Variants in ARHGAP29 observed in about 807,000 individuals in gnomAD.
The protein encoded by ARHGAP29 is Rho GTPase activating protein 29.
ARHGAP29 carries 43 observed loss-of-function variants against 122.6 expected under a neutral mutation model. The ratio of observed to expected loss-of-function variants is 0.35; its 90% CI spans 0.27 to 0.45. ARHGAP29 has a LOEUF of 0.45. ARHGAP29 is among the 20% of genes least tolerant of loss of function. The pLI is 1.00. For missense variants in ARHGAP29, 1,303 were observed against 1,477.2 expected (o/e 0.88, Z 1.93); for synonymous variants, 506 against 497.1 (o/e 1.02, Z -0.24).
the ARHGAP29 span, among the ~76,000 whole-genome samples, chr1:94,291,548 G>A: frequency 2.6e-5 from 4 of 152,226 alleles, no homozygotes; most frequent in Middle Eastern, 3.4e-3. Context: ...TTATAGTGTC[G>A]ATGGTCTTTA....
chr1:94,203,331 T>C (rs925526809), intron 8 of ARHGAP29, 121 bp from the exon 9 acceptor site: 3 of 600,912 alleles, frequency 5.0e-6, no homozygotes, highest in Non-Finnish European at 8.2e-6. Flanking sequence ...GAAAAATAAC[T>C]AGTCAAAAAC....
At chr1:94,199,778 A>G (rs1650719645) in intron 12 of ARHGAP29, among the ~76,000 whole-genome samples, 1 of 152,074 alleles carries the variant, frequency 6.6e-6, no homozygotes, top group African/African-American at 2.4e-5. Context: ...ATCCCTACTT[A>G]CGCTTGCCAA....
chr1:94,281,293 A>T, the ARHGAP29 span, among the ~76,000 whole-genome samples: 1 of 152,218 alleles, frequency 6.6e-6, no homozygotes, highest in South Asian at 2.1e-4. Context: ...TAAAAGAAAG[A>T]TTCATAATTT....
chr1:94,270,315 C>T (rs1654937712), intron 1 of ARHGAP29, among the ~76,000 whole-genome samples: 1 of 152,192 alleles, frequency 6.6e-6, no homozygotes, highest in South Asian at 2.1e-4. Flanking sequence ...ACCTTCTCTA[C>T]TCATTAGGAA....
rs1648796051 is a variant in ARHGAP29, at chr1:94,172,475, C to T, written c.*1394G>A. 6.6e-6 allele frequency: 1 copy of T among 152,068 alleles called. No individual in the cohort carries two copies. The highest frequency in any genetic ancestry group is 1.5e-5 in the Non-Finnish European group (1 of 68,012). 9.4% of individuals were successfully genotyped at this position (152,068 alleles called of 1,614,324 possible). A position where few individuals can be genotyped will look rare whatever the true frequency, so the allele number is the denominator to read the frequency against. On this transcript the variant is annotated 3_prime_UTR_variant, in exon 23 of 23. Transcript: ENST00000260526. ...CTATAAAACAGGTTTCCATAAAATT[C>T]ATTCCACATTGTAGTCAACGGATGT...
intron 3 of ARHGAP29, among the ~76,000 whole-genome samples, chr1:94,211,078 A>T (rs1651572018): frequency 1.3e-5 from 2 of 152,002 alleles, no homozygotes; most frequent in African/African-American, 4.8e-5. Flanking sequence ...TGAGCTCAGA[A>T]GTTCAAGACC....
rs1311484933 is a variant in ARHGAP29 at position 94,271,562 on chromosome 1, T to A, written c.-33+3450A>T. 2.0e-5 allele frequency among the ~76,000 whole-genome samples: 3 copies of A among 152,218 alleles called. No homozygotes were observed. In the South Asian group the frequency reaches 6.2e-4, roughly 32 times the overall value. On this transcript the variant is annotated intron_variant and NMD_transcript_variant, in intron 1 of 25. Transcript: ENST00000552844. ...TACCACAAAACAGATTCCTGGGCAA[T>A]GACCAGTAGCAGTGGCCCATTAAAA...
In ARHGAP29 at chr1:94,185,389, T is replaced by C; in HGVS notation, c.1873A>G (p.Arg625Gly). ...FRKLRSPTKC[R>G]DCEGIVVFQG... ...AACACTACAATGCCTTCACAATCCC[T>C]ACATTTCGTGGGGGATCTCAATTTG... The change falls in exon 17 of 23, where the codon AGG becomes GGG. Residue 625 changes from arginine (R) to glycine (G), a missense_variant. Physicochemically the swap from Arg to Gly is moderately radical, Grantham distance 125. Coordinates refer to ENST00000260526, the MANE Select transcript of ARHGAP29 (RefSeq NM_004815.4). The C allele has an allele frequency of 6.2e-7, 1 of 1,611,952 alleles. No individual in the cohort carries two copies. Among genetic ancestry groups the C allele is most frequent in the Non-Finnish European group, 8.5e-7 (1 of 1,178,940 alleles).
At chr1:94,196,927 G>C (rs1440689368) in intron 12 of ARHGAP29, among the ~76,000 whole-genome samples, 1 of 152,058 alleles carries the variant, frequency 6.6e-6, no homozygotes, top group Non-Finnish European at 1.5e-5. Flanking sequence ...TATCAGAAAA[G>C]CACAGGAAGG....
At chr1:94,201,646 T>TA (rs1650857594) in intron 12 of ARHGAP29, 74 bp downstream of exon 12, 7 of 1,577,588 alleles carry the variant, frequency 4.4e-6, no homozygotes, top group Non-Finnish European at 6.0e-6. Flanking sequence ...GTGCTGGGAT[T>TA]ACAGGTGTGA....
Position 94,203,949 on chromosome 1 carries a change from C to T in ARHGAP29, c.743G>A (p.Arg248Lys). 6.2e-7 allele frequency: 1 copy of T among 1,613,860 alleles called. No individual in the cohort carries two copies. Among genetic ancestry groups the T allele is most frequent in the East Asian group, 2.2e-5 (1 of 44,836 alleles). The stretch of plus-strand genomic sequence containing the variant: ...ACTTACCTGAATTCCAATGTTAGTT[C>T]TAGTTGCCTCTGCCAACTTGACCAT... ...RNMVKLAEATRTNIGIQEFMP... is the reference protein window; with the variant it reads ...RNMVKLAEATKTNIGIQEFMP... The change falls in exon 8 of 23, where the codon AGA becomes AAA. Residue 248 changes from arginine (R) to lysine (K), a missense_variant. Coordinates refer to ENST00000260526, the MANE Select transcript of ARHGAP29 (RefSeq NM_004815.4).
chr1:94,202,015 G>A (rs1650881571), intron 11 of ARHGAP29, 158 bp from the exon 12 acceptor site: 1 of 699,518 alleles, frequency 1.4e-6, no homozygotes, highest in Non-Finnish European at 2.2e-6. Context: ...GTGATTCAAA[G>A]GCAGTTGATT....
In ARHGAP29 at chr1:94,203,121, G is replaced by C; in HGVS notation, c.852C>G (p.Leu284=). ...SHLLQQTIAA[L]QANKFVQPLL... ...TTACCTGCACAAATTTGTTAGCCTG[G>C]AGAGCTGCAATTGTTTGTTGTAAAA... Residue 284 remains leucine, a synonymous_variant, in exon 9 of 23, where the codon CTC becomes CTG. Transcript: ENST00000260526. 6 of 1,612,932 alleles carry C rather than the reference G, an allele frequency of 3.7e-6. No individual in the cohort carries two copies. The highest frequency in any genetic ancestry group is 5.1e-6 in the Non-Finnish European group (6 of 1,179,506).
chr1:94,208,754 C>T, intron 5 of ARHGAP29, 78 bp downstream of exon 5: 2 of 1,416,994 alleles, frequency 1.4e-6, no homozygotes, highest in Non-Finnish European at 2.0e-6. Flanking sequence ...GCCACCACCC[C>T]CGGCCTAAGA....
intron 12 of ARHGAP29, chr1:94,193,312 C>G (rs963386179): frequency 6.8e-6 from 1 of 147,560 alleles, no homozygotes; most frequent in African/African-American, 2.5e-5. Flanking sequence ...AGAAGATTAA[C>G]AAAAGCTCTA....
In ARHGAP29 at chr1:94,179,855, G is replaced by C; in HGVS notation, c.2350C>G (p.Leu784Val). The change falls in exon 20 of 23, where the codon CTT (leucine) becomes GTT (valine). Residue 784 changes from leucine to valine, a missense_variant. Physicochemically the swap from Leu to Val is conservative, Grantham distance 32 (BLOSUM62 1). Transcript: ENST00000260526. ...NEEQETKKNS[L>V]EDKKWPNMCI... ...ATATTTGGCCATTTTTTGTCTTCAA[G>C]ACTATTCTTTTTTGTCTCTTGTTCT... 6.2e-7 allele frequency: 1 copy of C among 1,613,180 alleles called. No homozygotes were observed. Among genetic ancestry groups the C allele is most frequent in the Admixed American group, 1.7e-5 (1 of 59,990 alleles).
intron 22 of ARHGAP29, among the ~76,000 whole-genome samples, chr1:94,175,994 C>T (rs1028285278): frequency 6.6e-6 from 1 of 152,200 alleles, no homozygotes. Flanking sequence ...TGAGCCACCA[C>T]ACCTGGCCCA....
intron 2 of ARHGAP29, among the ~76,000 whole-genome samples, chr1:94,222,288 G>A (rs1307736730): frequency 1.3e-5 from 2 of 152,220 alleles, no homozygotes; most frequent in African/African-American, 4.8e-5. Context: ...TATGACCTAT[G>A]CAGGCTAACT....
intron 2 of ARHGAP29, among the ~76,000 whole-genome samples, chr1:94,230,657 G>A (rs17111236): frequency 0.025 from 3,737 of 151,698 alleles, 98 homozygotes; most frequent in East Asian, 0.098. Flanking sequence ...ATAACACTGA[G>A]AATCTTCATT....
Sources: gnomAD v4.1 joint callset for allele counts (sites outside exome capture counted in the v4.1 genomes callset) on GRCh38, gnomAD v4.1.1 for gene constraint, MANE v1.5 for transcripts, NCBI Gene and HGNC (gene_info 2026-07-23, HGNC 2026-07-21) for gene names.